The following EP400 variants were observed in gnomAD, a reference collection of about 807,000 sequenced individuals.
EP400 encodes the protein E1A-binding protein p400.
EP400 carries 105 observed loss-of-function variants against 354.1 expected under a neutral mutation model. The observed-to-expected ratio is 0.30, with a 90% confidence interval of 0.25 to 0.35. EP400 has a LOEUF of 0.35. Ranked by LOEUF, EP400 falls within the 10% of genes least tolerant of loss-of-function variation. The pLI is 1.00. For missense variants in EP400, 3,280 were observed against 4,121.0 expected (o/e 0.80, Z 5.59); for synonymous variants, 1,646 against 1,716.9 (o/e 0.96, Z 1.02).
At chr12:132,026,967 G>A (rs958005688) in intron 25 of EP400, among the ~76,000 whole-genome samples, 2 of 152,194 alleles carry the variant, frequency 1.3e-5, no homozygotes, top group Non-Finnish European at 2.9e-5. Context: ...GATATGAAAC[G>A]GGCACTGGCT....
At position 132,017,591 on chromosome 12, in the gene EP400, G is replaced by A. The variant is rs779164069; in HGVS notation, c.3980G>A (p.Arg1327Gln). 6.8e-6 allele frequency: 11 copies of A among 1,613,694 alleles called. No homozygotes were observed. Among genetic ancestry groups the A allele is most frequent in the African/African-American group, 1.3e-5 (1 of 74,886 alleles). Residue 1327 changes from arginine to glutamine, a missense_variant, in exon 20 of 53, where the codon CGG becomes CAG. Coordinates refer to ENST00000389561, the MANE Select transcript of EP400 (RefSeq NM_015409.5). The surrounding 1 kb of genome is among the most constrained non-coding windows in gnomAD (Gnocchi z 5.0). ...GTCAACGTCCTGAGCATCCTTGTGC[G>A]GCTGCAGCGCATCTGCAACCACCCT... ...HFVNVLSILV[R>Q]LQRICNHPGL... is the part of the protein sequence containing the mutation.
Position 132,021,337 on chromosome 12 carries a change from T to C in EP400, c.4690+16T>C. 6.7e-7 allele frequency: 1 copy of C among 1,497,414 alleles called. No homozygotes were observed. Among genetic ancestry groups the C allele is most frequent in the Non-Finnish European group, 8.8e-7 (1 of 1,131,746 alleles). The allele number at this position is 1,497,414 out of a possible 1,614,324, so 92.8% of individuals were successfully genotyped here. ...CGCTTGCCCAGTAAGTGGCCTCACC[T>C]TTCCAGGTTTCTGCCATCTCTCTAC... On this transcript the variant is annotated intron_variant, in intron 23 of 52. Transcript: ENST00000389561.
intron 24 of EP400, among the ~76,000 whole-genome samples, chr12:132,024,966 G>A (rs1203454437): frequency 6.6e-6 from 1 of 152,090 alleles, no homozygotes; most frequent in Admixed American, 6.6e-5. Context: ...TCAGTAGGGT[G>A]AGCCCACTGA....
At chr12:132,041,482 C>T (rs1434425364) in intron 32 of EP400, among the ~76,000 whole-genome samples, 1 of 152,148 alleles carries the variant, frequency 6.6e-6, no homozygotes, top group African/African-American at 2.4e-5. Context: ...CCTCTTCCTT[C>T]GGGTCTGCCT....
rs375530975 is a variant in EP400 at position 131,979,771 on chromosome 12, G to A, written c.1413G>A (p.Ala471=). Residue 471 remains alanine (A), a synonymous_variant, in exon 3 of 53, where the codon GCG becomes GCA. Coordinates refer to ENST00000389561, the MANE Select transcript of EP400 (RefSeq NM_015409.5). The part of the protein sequence containing the change: ...VETDLFKRQQ[A]MPSTGMAEQS... The stretch of plus-strand genomic sequence containing the variant: ...CGGACCTGTTTAAGAGGCAGCAGGC[G>A]ATGCCCTCCACAGGTATGGCAGGTA... 18 of 1,607,332 alleles carry A rather than the reference G, an allele frequency of 1.1e-5. No homozygotes were observed. The highest frequency in any genetic ancestry group is 5.4e-5 in the African/African-American group (4 of 74,482).
In EP400 at chr12:132,029,893, G is replaced by A. The variant is rs776297381; in HGVS notation, c.5574G>A (p.Gln1858=). The change falls in exon 28 of 53, where the codon CAG becomes CAA. Residue 1858 remains glutamine, a synonymous_variant. Transcript: ENST00000389561. The surrounding 1 kb of genome is among the most constrained non-coding windows in gnomAD (Gnocchi z 4.7). ...AGTTCCCTGAGCTGAGGCTGGTGCA[G>A]TTCGACTCAGGTATGCGGCAGTTGG... ...LLQFPELRLV[Q]FDSGKLEALA... 1.2e-6 allele frequency: 2 copies of A among 1,612,272 alleles called. No individual in the cohort carries two copies. The highest frequency in any genetic ancestry group is 2.7e-5 in the African/African-American group (2 of 74,940).
intron 45 of EP400, among the ~76,000 whole-genome samples, chr12:132,056,345 G>A (rs552225084): frequency 3.9e-4 from 59 of 152,062 alleles, no homozygotes; most frequent in African/African-American, 1.4e-3. Flanking sequence ...CCTAGATGAT[G>A]GAGCATTGGC....
intron 5 of EP400, among the ~76,000 whole-genome samples, chr12:131,983,123 G>A (rs1332922047): frequency 6.6e-6 from 1 of 152,222 alleles, no homozygotes; most frequent in Non-Finnish European, 1.5e-5. Context: ...GTAGGTGGCA[G>A]CGACCCATTC....
chr12:131,961,813 G>A lies in EP400; in HGVS notation c.1194G>A (p.Gly398=). The part of the protein sequence containing the change: ...IELFFLQHFQ[G]NMMDFLAFKK... Reference sequence around the variant, plus strand: ...TGTTTTTCTTGCAACACTTTCAAGGGAACATGATGGATTTCTTAGCTTTCA... The same window carrying A: ...TGTTTTTCTTGCAACACTTTCAAGGAAACATGATGGATTTCTTAGCTTTCA... Residue 398 remains glycine (G), a synonymous_variant, in exon 2 of 53, where the codon GGG becomes GGA. Coordinates refer to ENST00000389561, the MANE Select transcript of EP400 (RefSeq NM_015409.5). The A allele has an allele frequency of 6.2e-7, 1 of 1,614,184 alleles. No individual in the cohort carries two copies.
In EP400 at chr12:131,991,568, TTTC is replaced by T. The variant is rs1893034071; in HGVS notation, c.2679+115_2679+117del. The T allele has an allele frequency of 7.4e-6, 7 of 941,442 alleles. No individual in the cohort carries two copies. The East Asian group carries it at 1.7e-4, about 23-fold the overall frequency. The allele number at this position is 941,442 out of a possible 1,614,324, so 58.3% of individuals were successfully genotyped here. A position where few individuals can be genotyped will look rare whatever the true frequency, so the allele number is the denominator to read the frequency against. On this transcript the variant is annotated intron_variant, in intron 10 of 52. Transcript: ENST00000389561. ...TTTGTAGGCTGTGACTATTACTTCCTTTCTTTTCTTTTTTTTTTTTTTTTGTTT... is the reference window on the plus strand; with the variant it reads ...TTTGTAGGCTGTGACTATTACTTCCTTTTTCTTTTTTTTTTTTTTTTGTTT...
chr12:132,007,949 G>A (rs1395064187), intron 15 of EP400, among the ~76,000 whole-genome samples: 2 of 13,092 alleles, frequency 1.5e-4, no homozygotes, highest in Middle Eastern at 0.029. Flanking sequence ...CTCCAGCGAG[G>A]GTTCTTTTTT....
At chr12:132,035,188 A>G (rs556359816) in intron 30 of EP400, among the ~76,000 whole-genome samples, 2 of 152,310 alleles carry the variant, frequency 1.3e-5, no homozygotes, top group South Asian at 4.1e-4. Context: ...ATGCACGATG[A>G]GATCTCTCTT....
At position 132,038,090 on chromosome 12, in the gene EP400, C is replaced by T. The variant is rs760775807; in HGVS notation, c.6201C>T (p.Phe2067=). Residue 2067 remains phenylalanine (F), a synonymous_variant, in exon 32 of 53, where the codon TTC becomes TTT. Transcript: ENST00000389561. This position sits in a 1 kb window ranked among gnomAD's most constrained non-coding sequence, Gnocchi z 4.2. ...ETIAPKIARP[F]IEALKSIEYL... is the part of the protein sequence containing the mutation. ...TTGCACCCAAAATTGCAAGACCTTT[C>T]ATAGAGGTAAGAATACATTGAATCT... The T allele has an allele frequency of 6.8e-6, 11 of 1,614,028 alleles. No individual in the cohort carries two copies. The East Asian group carries it at 2.2e-4, about 33-fold the overall frequency.
intron 29 of EP400, among the ~76,000 whole-genome samples, chr12:132,031,713 G>A (rs748089329): frequency 1.8e-4 from 27 of 151,974 alleles, no homozygotes; most frequent in Admixed American, 3.9e-4. Flanking sequence ...CTGCCACCAC[G>A]CCCAGCTAAT....
At chr12:131,986,943 T>C (rs1300539879) in intron 6 of EP400, 136 bp downstream of exon 6, 5 of 1,119,508 alleles carry the variant, frequency 4.5e-6, no homozygotes, top group Non-Finnish European at 1.3e-6. Flanking sequence ...AGACACAAGA[T>C]GAAAACCAAG....
At chr12:132,069,474 A>G (rs1303235199) in intron 50 of EP400, 21 bp from the exon 51 acceptor site, 12 of 1,611,594 alleles carry the variant, frequency 7.4e-6, no homozygotes, top group Admixed American at 1.7e-5. Flanking sequence ...CTGCGGCCCT[A>G]ATTTCGCAGT....
At position 131,992,161 on chromosome 12, in the gene EP400, C is replaced by T; in HGVS notation, c.2680-12C>T. On this transcript the variant is annotated splice_polypyrimidine_tract_variant and intron_variant, in intron 10 of 52. Transcript: ENST00000389561. ...GATCTCATGCTTGTGGTTTTTCTTTCTTTTCTTTCAGGATTCAGGAATGTC... is the reference window on the plus strand; with the variant it reads ...GATCTCATGCTTGTGGTTTTTCTTTTTTTTCTTTCAGGATTCAGGAATGTC... 2 of 1,604,834 alleles carry T rather than the reference C, an allele frequency of 1.2e-6. No individual in the cohort carries two copies. Among genetic ancestry groups the T allele is most frequent in the Non-Finnish European group, 1.7e-6 (2 of 1,179,768 alleles).
At chr12:131,952,026 T>TA (rs1891521289) in intron 1 of EP400, among the ~76,000 whole-genome samples, 1 of 151,374 alleles carries the variant, frequency 6.6e-6, no homozygotes, top group African/African-American at 2.4e-5. Flanking sequence ...CCTCAGGTGA[T>TA]CTGCCCGCCT....
chr12:132,021,725 A>G (rs1894129231), intron 23 of EP400, among the ~76,000 whole-genome samples: 1 of 152,266 alleles, frequency 6.6e-6, no homozygotes, highest in South Asian at 2.1e-4. Context: ...CTTGCCAGTC[A>G]TGTGAACTAG....
Sources: gnomAD v4.1 joint callset for allele counts (sites outside exome capture counted in the v4.1 genomes callset) on GRCh38, gnomAD v4.1.1 for gene constraint, Gnocchi (gnomAD v3.1) non-coding constraint, MANE v1.5 for transcripts, NCBI Gene and HGNC (gene_info 2026-07-23, HGNC 2026-07-21) for gene names.